CSMD1: variants seen among roughly 807,000 people sequenced by gnomAD.
CSMD1 encodes the protein CUB and Sushi multiple domains 1.
CSMD1 carries 213 observed loss-of-function variants against 417.5 expected under a neutral mutation model. The ratio of observed to expected loss-of-function variants is 0.51; its 90% CI spans 0.46 to 0.57. The LOEUF is 0.57. Ranked by LOEUF, CSMD1 falls within the 20% of genes least tolerant of loss-of-function variation. The pLI is 0.00. For missense variants in CSMD1, 6,923 were observed against 4,529.7 expected (o/e 1.53, Z -15.17); for synonymous variants, 2,862 against 1,736.8 (o/e 1.65, Z -16.11).
rs1379559514 is a variant in CSMD1 at position 3,115,205 on chromosome 8, C to CG, written c.6430+3193_6430+3194insC. ...TTTAACAATTACAATCCCCCCCCCCCCTTTTTTTTTTTTGAGATGGAGTTT... is the reference window on the plus strand; with the variant it reads ...TTTAACAATTACAATCCCCCCCCCCCGCTTTTTTTTTTTTGAGATGGAGTTT... On this transcript the variant is annotated intron_variant, in intron 42 of 69. Transcript: ENST00000635120. Among the ~76,000 whole-genome samples the CG allele has an allele frequency of 9.6e-5, 10 of 104,692 alleles. No individual in the cohort carries two copies. The South Asian group carries it at 1.1e-3, about 11-fold the overall frequency. 68.7% of individuals were successfully genotyped at this position (104,692 alleles called of 152,430 possible).
chr8:3,997,152 T>C (rs1052070936), intron 5 of CSMD1, among the ~76,000 whole-genome samples: 1 of 152,146 alleles, frequency 6.6e-6, no homozygotes, highest in Admixed American at 6.6e-5. Context: ...ATAAAAACAA[T>C]AACACAATTT....
At chr8:3,665,138 G>C (rs193227311) in intron 7 of CSMD1, among the ~76,000 whole-genome samples, 4 of 152,244 alleles carry the variant, frequency 2.6e-5, no homozygotes, top group East Asian at 3.9e-4. Flanking sequence ...TAGGAATTTT[G>C]TATCATGAGC....
intron 10 of CSMD1, among the ~76,000 whole-genome samples, chr8:3,509,739 G>C (rs1250856142): frequency 1.3e-5 from 2 of 152,298 alleles, no homozygotes; most frequent in South Asian, 2.1e-4. Flanking sequence ...AATAATCAGA[G>C]TGATATTTTG....
chr8:4,445,702 G>A (rs1798744329), intron 2 of CSMD1, among the ~76,000 whole-genome samples: 2 of 152,268 alleles, frequency 1.3e-5, no homozygotes, highest in Middle Eastern at 6.8e-3. Flanking sequence ...CAACTTGGAA[G>A]GAATTTCTAT....
intron 5 of CSMD1, among the ~76,000 whole-genome samples, chr8:3,822,957 G>C (rs553871474): frequency 3.3e-5 from 5 of 152,146 alleles, no homozygotes; most frequent in Non-Finnish European, 7.3e-5. Flanking sequence ...AAGAAAAGTT[G>C]AATCAACTTT....
rs183811890 is a variant in CSMD1 at position 4,926,408 on chromosome 8, G to T, written c.85+67924C>A. ...TTCTGTATTTGTGAGATCTACGCAT[G>T]TGGCCGTGTAATTCTCTCACACTTA... On this transcript the variant is annotated intron_variant, in intron 1 of 69. Coordinates refer to ENST00000635120, the MANE Select transcript of CSMD1 (RefSeq NM_033225.6). Among the ~76,000 whole-genome samples, 1,236 of 152,274 alleles carry T rather than the reference G, an allele frequency of 8.1e-3. 14 individuals carry two copies. Among genetic ancestry groups the T allele is most frequent in the African/African-American group, 0.028 (1,154 of 41,556 alleles).
At chr8:3,502,904 G>T (rs916476479) in intron 10 of CSMD1, among the ~76,000 whole-genome samples, 23 of 152,110 alleles carry the variant, frequency 1.5e-4, no homozygotes, top group African/African-American at 5.1e-4. Flanking sequence ...TGAACAGCAT[G>T]AATGCATGTT....
chr8:3,741,333 C>T (rs962191420), intron 6 of CSMD1, among the ~76,000 whole-genome samples: 1 of 151,092 alleles, frequency 6.6e-6, no homozygotes, highest in African/African-American at 2.4e-5. Flanking sequence ...TGCAGCTTCC[C>T]TTTCAAGAAG....
At chr8:4,156,057 C>T (rs116757754) in intron 3 of CSMD1, among the ~76,000 whole-genome samples, 1,593 of 152,152 alleles carry the variant, frequency 0.01, 32 homozygotes, top group African/African-American at 0.037. Flanking sequence ...TAGATTCCTA[C>T]AGAAATGGAA....
At chr8:3,260,295 C>G (rs1800959568) in intron 26 of CSMD1, among the ~76,000 whole-genome samples, 2 of 152,084 alleles carry the variant, frequency 1.3e-5, no homozygotes, top group African/African-American at 4.8e-5. Context: ...GAAACGCCAC[C>G]TCTGTGAGGC....
intron 3 of CSMD1, among the ~76,000 whole-genome samples, chr8:4,093,311 G>C (rs1264812675): frequency 6.6e-6 from 1 of 151,938 alleles, no homozygotes; most frequent in Non-Finnish European, 1.5e-5. Context: ...AAATAAACCA[G>C]GTTTTAATTT....
At chr8:4,243,892 T>A (rs1482819728) in intron 3 of CSMD1, among the ~76,000 whole-genome samples, 1 of 152,160 alleles carries the variant, frequency 6.6e-6, no homozygotes, top group East Asian at 1.9e-4. Context: ...TTTTCTCCCA[T>A]AAACACATTA....
chr8:3,831,941 G>A (rs942855139), intron 5 of CSMD1, among the ~76,000 whole-genome samples: 1 of 152,074 alleles, frequency 6.6e-6, no homozygotes, highest in Non-Finnish European at 1.5e-5. Flanking sequence ...ATTAGTCCTG[G>A]AAAGTTTGCA....
intron 39 of CSMD1, among the ~76,000 whole-genome samples, chr8:3,154,665 G>T (rs1457898060): frequency 6.6e-6 from 1 of 152,150 alleles, no homozygotes. Flanking sequence ...ACTTCACCCA[G>T]CTGTAGAGCC....
At chr8:4,020,490 T>G (rs1443581508) in intron 4 of CSMD1, among the ~76,000 whole-genome samples, 2 of 152,338 alleles carry the variant, frequency 1.3e-5, no homozygotes, top group Admixed American at 6.5e-5. Flanking sequence ...TCAGGCTGCC[T>G]GGGTCCAGAT....
rs1372968488 is a variant in CSMD1, at chr8:3,306,052, A to G, written c.3950+1643T>C. On this transcript the variant is annotated intron_variant, in intron 25 of 69. Coordinates refer to ENST00000635120, the MANE Select transcript of CSMD1 (RefSeq NM_033225.6). ...ATGTTTGCATTCTAGATATGCTTTA[A>G]TTGTTGTTCTTGCTCCTTTTATGTA... Among the ~76,000 whole-genome samples, 3 of 152,060 alleles carry G rather than the reference A, an allele frequency of 2.0e-5. No homozygotes were observed. The East Asian group carries it at 5.8e-4, about 29-fold the overall frequency.
At position 4,847,581 on chromosome 8, in the gene CSMD1, ATTCTT is replaced by A. The variant is rs1290755151; in HGVS notation, c.85+146746_85+146750del. ...ATTAAAGAGTCCATACTCTATTCAG[ATTCTT>A]TTCAGTTTTGCCTAATATCGTTTAT... On this transcript the variant is annotated intron_variant, in intron 1 of 69. Transcript: ENST00000635120. Among the ~76,000 whole-genome samples the A allele has an allele frequency of 7.2e-5, 11 of 152,116 alleles. No individual in the cohort carries two copies. The South Asian group carries it at 1.9e-3, about 26-fold the overall frequency.
chr8:4,195,843 T>C (rs1457433854), intron 3 of CSMD1, among the ~76,000 whole-genome samples: 5 of 152,042 alleles, frequency 3.3e-5, no homozygotes, highest in Non-Finnish European at 7.4e-5. Context: ...GGCAGTGGAA[T>C]TAACGCCTTG....
Position 2,935,936 on chromosome 8 carries a change from G to T in CSMD1, c.*2649C>A, listed in dbSNP as rs917412172. On this transcript the variant is annotated 3_prime_UTR_variant, in exon 70 of 70. Transcript: ENST00000635120. ...TCTGAAGCACGTGTCCTCTGTTAGT[G>T]TGTGGTCGCGTCCCTCACGCGTGTT... 1 of 152,218 alleles carries T rather than the reference G, an allele frequency of 6.6e-6. No individual in the cohort carries two copies. Among genetic ancestry groups the T allele is most frequent in the Non-Finnish European group, 1.5e-5 (1 of 68,030 alleles). The allele number at this position is 152,218 out of a possible 1,614,324, so 9.4% of individuals were successfully genotyped here.
Sources: gnomAD v4.1 joint callset for allele counts (sites outside exome capture counted in the v4.1 genomes callset) on GRCh38, gnomAD v4.1.1 for gene constraint, MANE v1.5 for transcripts, NCBI Gene and HGNC (gene_info 2026-07-23, HGNC 2026-07-21) for gene names.